B4GALT5: variants seen among roughly 807,000 people sequenced by gnomAD.
The protein encoded by B4GALT5 is beta-1,4-galactosyltransferase 5.
A neutral mutation model predicts 45.0 loss-of-function variants in B4GALT5; 11 were observed. The observed-to-expected ratio is 0.24, with a 90% CI of 0.15 to 0.40. The LOEUF (loss-of-function observed/expected upper bound fraction) is 0.40, where lower values mean the gene tolerates loss of function less well. Ranked by LOEUF, B4GALT5 falls within the 10% of genes least tolerant of loss-of-function variation. B4GALT5 has a pLI of 1.00. For missense variants in B4GALT5, 337 were observed against 500.2 expected (o/e 0.67, Z 3.11); for synonymous variants, 185 against 182.9 (o/e 1.01, Z -0.09).
At chr20:49,636,907 GACACACACACAC>G (rs5841760) in intron 8 of B4GALT5, among the ~76,000 whole-genome samples, 10 of 146,388 alleles carry the variant, frequency 6.8e-5, no homozygotes, top group Non-Finnish European at 1.2e-4. Context: ...ATTTAGAAAA[GACACACACACAC>G]ACACACACAC....
Position 49,664,127 on chromosome 20 carries a change from A to C in B4GALT5, c.116-7425T>G, listed in dbSNP as rs544284994. 2.6e-5 allele frequency among the ~76,000 whole-genome samples: 4 copies of C among 152,288 alleles called. No individual in the cohort carries two copies. The South Asian group carries it at 8.3e-4, about 32-fold the overall frequency. ...AACTCAGCAACCCCAATATTAGAAC[A>C]ACCTACAGTTCCAGGCTCCTAATGC... On this transcript the variant is annotated intron_variant, in intron 1 of 8. Coordinates refer to ENST00000371711, the MANE Select transcript of B4GALT5 (RefSeq NM_004776.4).
At chr20:49,686,999 T>A (rs16994783) in intron 1 of B4GALT5, among the ~76,000 whole-genome samples, 2,401 of 152,264 alleles carry the variant, frequency 0.016, 67 homozygotes, top group African/African-American at 0.055. Context: ...TGGCATTATA[T>A]CAAATTAGGA....
intron 1 of B4GALT5, among the ~76,000 whole-genome samples, chr20:49,681,696 G>T (rs1803900787): frequency 6.6e-6 from 1 of 152,192 alleles, no homozygotes; most frequent in Admixed American, 6.5e-5. Flanking sequence ...CTGGTTAATG[G>T]TAACTCTACC....
chr20:49,696,817 G>A (rs1351409056), intron 1 of B4GALT5, among the ~76,000 whole-genome samples: 1 of 152,192 alleles, frequency 6.6e-6, no homozygotes, highest in Non-Finnish European at 1.5e-5. Flanking sequence ...ACATTTGTTA[G>A]ATCCTAATTA....
intron 2 of B4GALT5, among the ~76,000 whole-genome samples, chr20:49,654,216 G>C (rs1014461250): frequency 9.2e-5 from 14 of 152,188 alleles, no homozygotes; most frequent in Admixed American, 3.3e-4. Context: ...AGGGTTTAGG[G>C]AAAGAGTCAC....
At chr20:49,667,253 T>G (rs11467895) in intron 1 of B4GALT5, among the ~76,000 whole-genome samples, 2 of 47,162 alleles carry the variant, frequency 4.2e-5, no homozygotes, top group Admixed American at 2.2e-4. Context: ...TTGGCTTGTG[T>G]TGTTGTTGTT....
chr20:49,701,209 T>C (rs546882852), intron 1 of B4GALT5, among the ~76,000 whole-genome samples: 2 of 152,312 alleles, frequency 1.3e-5, no homozygotes, highest in East Asian at 1.9e-4. Context: ...AATGCAAAGA[T>C]GAGTTTGTAA....
At chr20:49,682,462 C>T (rs1257092768) in intron 1 of B4GALT5, among the ~76,000 whole-genome samples, 2 of 152,174 alleles carry the variant, frequency 1.3e-5, no homozygotes, top group Non-Finnish European at 2.9e-5. Flanking sequence ...GCCACACGGG[C>T]CTTCTCGCTG....
At chr20:49,668,841 C>T (rs764082846) in intron 1 of B4GALT5, among the ~76,000 whole-genome samples, 1 of 151,928 alleles carries the variant, frequency 6.6e-6, no homozygotes, top group African/African-American at 2.4e-5. Flanking sequence ...TCTGTATGAA[C>T]GTGCTTTTGT....
chr20:49,692,909 G>A (rs904615317), intron 1 of B4GALT5, among the ~76,000 whole-genome samples: 2 of 152,286 alleles, frequency 1.3e-5, no homozygotes, highest in East Asian at 3.9e-4. Context: ...TTCAGTCAAC[G>A]ACTAGCTGCA....
chr20:49,657,898 A>AT (rs1156403868), intron 1 of B4GALT5, among the ~76,000 whole-genome samples: 7 of 152,236 alleles, frequency 4.6e-5, no homozygotes, highest in African/African-American at 1.7e-4. Context: ...TTGGTGCTTT[A>AT]TACTGGGAAT....
chr20:49,653,015 A>G (rs2085628563), intron 2 of B4GALT5, among the ~76,000 whole-genome samples: 2 of 152,260 alleles, frequency 1.3e-5, no homozygotes, highest in Admixed American at 1.3e-4. Flanking sequence ...GAAATGAAGA[A>G]GAATGATGGG....
intron 1 of B4GALT5, among the ~76,000 whole-genome samples, chr20:49,697,405 A>G (rs1299018706): frequency 1.3e-5 from 2 of 152,232 alleles, no homozygotes; most frequent in Admixed American, 1.3e-4. Flanking sequence ...GGATGGGACA[A>G]TGGGAAAGCT....
At chr20:49,668,472 T>C (rs985515146) in intron 1 of B4GALT5, among the ~76,000 whole-genome samples, 8 of 151,868 alleles carry the variant, frequency 5.3e-5, no homozygotes, top group African/African-American at 1.5e-4. Context: ...GAAGTACCAA[T>C]ATCCACATGC....
intron 1 of B4GALT5, among the ~76,000 whole-genome samples, chr20:49,702,492 C>A (rs2085866242): frequency 6.6e-6 from 1 of 152,160 alleles, no homozygotes. Context: ...GAAAAGACAA[C>A]CCACAGAATA....
chr20:49,710,987 G>A (rs2085907864), intron 1 of B4GALT5, among the ~76,000 whole-genome samples: 1 of 151,900 alleles, frequency 6.6e-6, no homozygotes, highest in Non-Finnish European at 1.5e-5. Context: ...GGAGGCTGAG[G>A]GAGGAGGATC....
intron 1 of B4GALT5, among the ~76,000 whole-genome samples, chr20:49,704,385 T>C (rs969802874): frequency 6.6e-6 from 1 of 152,200 alleles, no homozygotes; most frequent in Non-Finnish European, 1.5e-5. Context: ...TAATATACAG[T>C]TGTGCTCACT....
At chr20:49,704,168 T>C (rs1247554106) in intron 1 of B4GALT5, among the ~76,000 whole-genome samples, 1 of 152,158 alleles carries the variant, frequency 6.6e-6, no homozygotes, top group Admixed American at 6.5e-5. Context: ...TTCCTGAAAG[T>C]AGAACTTAAA....
intron 1 of B4GALT5, among the ~76,000 whole-genome samples, chr20:49,703,116 G>C (rs1373298387): frequency 6.9e-6 from 1 of 145,702 alleles, no homozygotes; most frequent in Non-Finnish European, 1.5e-5. Flanking sequence ...GGAGCTTGCA[G>C]TGAGACCAGA....
Sources: gnomAD v4.1 joint callset for allele counts (sites outside exome capture counted in the v4.1 genomes callset) on GRCh38, gnomAD v4.1.1 for gene constraint, MANE v1.5 for transcripts, NCBI Gene and HGNC (gene_info 2026-07-23, HGNC 2026-07-21) for gene names.